The following MYO7B variants were observed in gnomAD, a reference collection of about 807,000 sequenced individuals.
MYO7B encodes myosin VIIB.
Under a neutral mutation model 259.7 loss-of-function variants are expected in MYO7B, and 212 were observed. The ratio of observed to expected loss-of-function variants is 0.82; its 90% CI spans 0.73 to 0.91. MYO7B has a LOEUF of 0.91. Ranked by LOEUF, MYO7B falls within the 40% of genes least tolerant of loss-of-function variation. The pLI is 0.00. For missense variants in MYO7B, 2,732 were observed against 2,813.5 expected (o/e 0.97, Z 0.66); for synonymous variants, 1,197 against 1,166.4 (o/e 1.03, Z -0.54).
At chr2:127,618,344 G>A (rs58896553) in intron 26 of MYO7B, among the ~76,000 whole-genome samples, 1 of 152,202 alleles carries the variant, frequency 6.6e-6, no homozygotes, top group Non-Finnish European at 1.5e-5. Flanking sequence ...CCTACTCCTA[G>A]TAAGCAAAGA....
rs144185878 is a variant in MYO7B, at chr2:127,565,088, G to T, written c.133-145G>T. The stretch of plus-strand genomic sequence containing the variant: ...TTGACCCTTGTCATAGACTGACCCT[G>T]GCCGGAGGCTGGCCACTGCCCCAGG... On this transcript the variant is annotated intron_variant, in intron 3 of 47. Coordinates refer to ENST00000409816, the MANE Select transcript of MYO7B (RefSeq NM_001393586.1). The T allele has an allele frequency of 1.9e-3, 1,894 of 1,004,048 alleles. 29 individuals are homozygous for T. The African/African-American group carries it at 0.027, about 14-fold the overall frequency. 62.2% of individuals were successfully genotyped at this position (1,004,048 alleles called of 1,614,324 possible). A position where few individuals can be genotyped will look rare whatever the true frequency, so the allele number is the denominator to read the frequency against.
At position 127,581,971 on chromosome 2, in the gene MYO7B, C is replaced by T. The variant is rs1189578714; in HGVS notation, c.1161C>T (p.Asn387=). ...GGGAATTTGTCACCAGGTCCCTGAA[C>T]ATTGCCCAGGCTGCTGACCGGAGGG... The part of the protein sequence containing the change: ...IRGEFVTRSL[N]IAQAADRRDA... The change falls in exon 11 of 48, where the codon AAC becomes AAT. Residue 387 remains asparagine, a synonymous_variant. Transcript: ENST00000409816. The T allele has an allele frequency of 3.1e-6, 5 of 1,613,972 alleles. No homozygotes were observed. The highest frequency in any genetic ancestry group is 2.2e-5 in the South Asian group (2 of 91,090).
In MYO7B at chr2:127,637,692, C is replaced by A; in HGVS notation, c.*275C>A. ...GACACCTCCCAACCCCACCCCACCC[C>A]ACCAGAATGTTCAATAAAAACTCCT... On this transcript the variant is annotated 3_prime_UTR_variant, in exon 48 of 48. Transcript: ENST00000409816. The A allele has an allele frequency of 5.2e-6, 2 of 387,932 alleles. No homozygotes were observed. Among genetic ancestry groups the A allele is most frequent in the East Asian group, 3.8e-5 (1 of 26,466 alleles). 24.0% of individuals were successfully genotyped at this position (387,932 alleles called of 1,614,324 possible).
rs199781057 is a variant in MYO7B at position 127,632,252 on chromosome 2, C to T, written c.5256C>T (p.Ser1752=). The stretch of plus-strand genomic sequence containing the variant: ...GACAAGTGCTACCCTTCAGGCACAG[C>T]GAAGAGCGGGGCTGGCAGCTGCTGT... ...KQLTHNSNRH[S]EERGWQLLWL... The change falls in exon 39 of 48, where the codon AGC becomes AGT. Residue 1752 remains serine (S), a synonymous_variant. Coordinates refer to ENST00000409816, the MANE Select transcript of MYO7B (RefSeq NM_001393586.1). 1.5e-4 allele frequency: 238 copies of T among 1,611,646 alleles called. 2 individuals are homozygous for T. The African/African-American group carries it at 2.9e-3, about 20-fold the overall frequency.
At chr2:127,599,169 C>T (rs1679873873) in intron 19 of MYO7B, among the ~76,000 whole-genome samples, 1 of 152,196 alleles carries the variant, frequency 6.6e-6, no homozygotes, top group Admixed American at 6.5e-5. Context: ...TCTACTAAAT[C>T]CATCTTCCAA....
chr2:127,622,636 C>A (rs1243585571), intron 28 of MYO7B, among the ~76,000 whole-genome samples: 1 of 152,248 alleles, frequency 6.6e-6, no homozygotes, highest in Admixed American at 6.5e-5. Context: ...AGGTGCCCGC[C>A]CTGTGACCCG....
chr2:127,623,115 G>A, intron 28 of MYO7B, 87 bp from the exon 29 acceptor site: 2 of 1,485,222 alleles, frequency 1.3e-6, no homozygotes, highest in Non-Finnish European at 1.8e-6. Context: ...CCATGGGCTG[G>A]GGAGAGGAGG....
Position 127,559,580 on chromosome 2 carries a change from A to T in MYO7B, c.-23-120A>T. ...ATCCATTTATTCAGCATTGTTTTTGAGCCAGGTCCCATGCCGGGCACTTAG... is the reference window on the plus strand; with the variant it reads ...ATCCATTTATTCAGCATTGTTTTTGTGCCAGGTCCCATGCCGGGCACTTAG... On this transcript the variant is annotated intron_variant, in intron 1 of 47. Coordinates refer to ENST00000409816, the MANE Select transcript of MYO7B (RefSeq NM_001393586.1). This position sits in a 1 kb window ranked among gnomAD's most constrained non-coding sequence, Gnocchi z 4.1. The T allele has an allele frequency of 1.2e-6, 1 of 858,586 alleles. No individual in the cohort carries two copies. Among genetic ancestry groups the T allele is most frequent in the Non-Finnish European group, 2.0e-6 (1 of 509,818 alleles). The allele number at this position is 858,586 out of a possible 1,614,324, so 53.2% of individuals were successfully genotyped here. A position where few individuals can be genotyped will look rare whatever the true frequency, so the allele number is the denominator to read the frequency against.
Position 127,576,752 on chromosome 2 carries a change from G to A in MYO7B, c.849+44G>A. The A allele has an allele frequency of 7.2e-7, 1 of 1,385,506 alleles. No homozygotes were observed. The highest frequency in any genetic ancestry group is 1.0e-6 in the Non-Finnish European group (1 of 986,052). 85.8% of individuals were successfully genotyped at this position (1,385,506 alleles called of 1,614,324 possible). On this transcript the variant is annotated intron_variant, in intron 8 of 47. Transcript: ENST00000409816. The surrounding 1 kb of genome is among the most constrained non-coding windows in gnomAD (Gnocchi z 4.9). Reference sequence around the variant, plus strand: ...GCCTCCCAGTAGCCAGTGGAAGGGAGGAAAAAGAGCTTGTGCCGCTCCACC... The same window carrying A: ...GCCTCCCAGTAGCCAGTGGAAGGGAAGAAAAAGAGCTTGTGCCGCTCCACC...
At chr2:127,588,598 C>T (rs1458419223) in intron 15 of MYO7B, 43 bp downstream of exon 15, 3 of 1,608,504 alleles carry the variant, frequency 1.9e-6, no homozygotes, top group Admixed American at 1.7e-5. Flanking sequence ...CCCCTGATGG[C>T]TACAGGGCCA....
chr2:127,569,850 A>G lies in MYO7B; in HGVS notation c.532A>G (p.Ile178Val). The G allele has an allele frequency of 6.2e-7, 1 of 1,613,468 alleles. No individual in the cohort carries two copies. The change falls in exon 6 of 48, where the codon ATC becomes GTC. Residue 178 changes from isoleucine to valine, a missense_variant. By Grantham distance (29) the Ile-to-Val change is conservative (BLOSUM62 3). Transcript: ENST00000409816. ...TKLILQFLAT[I>V]SGQHSWIEQQ... ...GCTCATCCTGCAGTTCCTGGCCACCATCAGTGGCCAGCATTCGTGGATTGA... is the reference window on the plus strand; with the variant it reads ...GCTCATCCTGCAGTTCCTGGCCACCGTCAGTGGCCAGCATTCGTGGATTGA...
In MYO7B at chr2:127,634,746, G is replaced by A. The variant is rs2105148245; in HGVS notation, c.5713+63G>A. ...TGGGTGGGTCGAGGGGGCACTGGCG[G>A]CCTCTGTGCGGCCCATGCCCATTCA... On this transcript the variant is annotated intron_variant, in intron 42 of 47. Coordinates refer to ENST00000409816, the MANE Select transcript of MYO7B (RefSeq NM_001393586.1). The A allele has an allele frequency of 2.1e-6, 3 of 1,398,536 alleles. No individual in the cohort carries two copies. In the South Asian group the frequency reaches 3.6e-5, roughly 17 times the overall value. 86.6% of individuals were successfully genotyped at this position (1,398,536 alleles called of 1,614,324 possible).
chr2:127,634,567 C>T, intron 41 of MYO7B, 29 bp from the exon 42 acceptor site: 1 of 1,587,932 alleles, frequency 6.3e-7, no homozygotes, highest in East Asian at 2.3e-5. Context: ...GGAAGCCACC[C>T]AACTTCCCTG....
chr2:127,609,646 C>T lies in MYO7B; in HGVS notation c.2955C>T (p.Ala985=). The change falls in exon 23 of 48, where the codon GCC becomes GCT. Residue 985 remains alanine, a synonymous_variant. Coordinates refer to ENST00000409816, the MANE Select transcript of MYO7B (RefSeq NM_001393586.1). The surrounding 1 kb of genome is among the most constrained non-coding windows in gnomAD (Gnocchi z 6.9). ...KFAVTYFQKS[A]SHTHIRRPLR... The stretch of plus-strand genomic sequence containing the variant: ...CTGTGACTTACTTCCAGAAATCAGC[C>T]AGCCACACACACATCCGGCGGCCCC... 1 of 1,614,010 alleles carries T rather than the reference C, an allele frequency of 6.2e-7. No individual in the cohort carries two copies. Among genetic ancestry groups the T allele is most frequent in the Non-Finnish European group, 8.5e-7 (1 of 1,179,898 alleles).
At chr2:127,568,625 G>T (rs920908939) in intron 5 of MYO7B, among the ~76,000 whole-genome samples, 2 of 152,194 alleles carry the variant, frequency 1.3e-5, no homozygotes. Context: ...GGCCGGGTGC[G>T]GTAGCTCACG....
intron 1 of MYO7B, among the ~76,000 whole-genome samples, chr2:127,551,744 C>G (rs985355060): frequency 1.6e-4 from 24 of 152,146 alleles, no homozygotes; most frequent in African/African-American, 5.6e-4. Flanking sequence ...TGCAGAGATA[C>G]AGAGGAGACA....
At position 127,584,226 on chromosome 2, in the gene MYO7B, C is replaced by G. The variant is rs1240174804; in HGVS notation, c.1448C>G (p.Ser483Cys). The change falls in exon 13 of 48, where the codon TCC becomes TGC. Residue 483 changes from serine (S) to cysteine (C), a missense_variant. Physicochemically the swap from Ser to Cys is moderately radical, Grantham distance 112. Transcript: ENST00000409816. This position sits in a 1 kb window ranked among gnomAD's most constrained non-coding sequence, Gnocchi z 5.8. ...EQEEYRSENI[S>C]WDYIHYTDNR... ...GAGGAGTACCGCTCGGAGAACATCTCCTGGGACTATATCCACTACACCGAC... is the reference window on the plus strand; with the variant it reads ...GAGGAGTACCGCTCGGAGAACATCTGCTGGGACTATATCCACTACACCGAC... The G allele has an allele frequency of 6.2e-7, 1 of 1,614,026 alleles. No homozygotes were observed.
intron 39 of MYO7B, 21 bp downstream of exon 39, chr2:127,632,422 C>A: frequency 6.6e-7 from 1 of 1,511,350 alleles, no homozygotes; most frequent in Non-Finnish European, 8.8e-7. Flanking sequence ...TGCCTCCAGC[C>A]CCCAGCATTG....
At position 127,584,402 on chromosome 2, in the gene MYO7B, C is replaced by T; in HGVS notation, c.1554+70C>T. On this transcript the variant is annotated intron_variant, in intron 13 of 47. Transcript: ENST00000409816. The surrounding 1 kb of genome is among the most constrained non-coding windows in gnomAD (Gnocchi z 5.8). ...GGGTCTCCTCTTGGAGGCTGGGAAA[C>T]TCCATTTGGGTGGGCCACTTGTTCT... 1 of 1,526,898 alleles carries T rather than the reference C, an allele frequency of 6.5e-7. No homozygotes were observed. The highest frequency in any genetic ancestry group is 1.2e-5 in the South Asian group (1 of 85,874). The allele number at this position is 1,526,898 out of a possible 1,614,324, so 94.6% of individuals were successfully genotyped here. A position where few individuals can be genotyped will look rare whatever the true frequency, so the allele number is the denominator to read the frequency against.
Sources: gnomAD v4.1 joint callset for allele counts (sites outside exome capture counted in the v4.1 genomes callset) on GRCh38, gnomAD v4.1.1 for gene constraint, Gnocchi (gnomAD v3.1) non-coding constraint, MANE v1.5 for transcripts, NCBI Gene and HGNC (gene_info 2026-07-23, HGNC 2026-07-21) for gene names.